LDLRAD4: variants seen among roughly 807,000 people sequenced by gnomAD.
LDLRAD4 encodes the protein low-density lipoprotein receptor class A domain-containing protein 4.
LDLRAD4 carries 5 observed loss-of-function variants against 17.0 expected under a neutral mutation model. The observed-to-expected ratio is 0.29, with a 90% confidence interval of 0.15 to 0.62. LDLRAD4 has a LOEUF of 0.62. LDLRAD4 is among the 20% of genes least tolerant of loss of function. The pLI is 0.84. For synonymous variants in LDLRAD4, 168 were observed against 171.8 expected (o/e 0.98, Z 0.17); for missense variants, 340 against 424.7 (o/e 0.80, Z 1.75).
intron 2 of LDLRAD4, among the ~76,000 whole-genome samples, chr18:13,435,709 A>C (rs2090610713): frequency 6.6e-6 from 1 of 152,188 alleles, no homozygotes; most frequent in Admixed American, 6.5e-5. Context: ...CTGCCTCCCA[A>C]GTGTGGAGAG....
At chr18:13,330,886 A>C (rs1171593721) in intron 1 of LDLRAD4, among the ~76,000 whole-genome samples, 3 of 152,144 alleles carry the variant, frequency 2.0e-5, no homozygotes. Context: ...TGACCATATA[A>C]TGAAGTTTCC....
chr18:13,326,524 T>G (rs2085048), intron 1 of LDLRAD4, among the ~76,000 whole-genome samples: 60,395 of 151,716 alleles, frequency 0.4, 13,370 homozygotes, highest in African/African-American at 0.61. Flanking sequence ...CAGACTTCAG[T>G]TTTAACCTAG....
chr18:13,608,358 C>G (rs558071780), intron 3 of LDLRAD4, among the ~76,000 whole-genome samples: 2 of 151,578 alleles, frequency 1.3e-5, no homozygotes, highest in South Asian at 2.1e-4. Flanking sequence ...GAGGGGGAGG[C>G]AGCGGGGCAT....
chr18:13,294,124 C>T (rs561081007), intron 1 of LDLRAD4, among the ~76,000 whole-genome samples: 1 of 152,264 alleles, frequency 6.6e-6, no homozygotes, highest in African/African-American at 2.4e-5. Context: ...ATATAAATAA[C>T]TCCCACATGC....
At chr18:13,513,307 G>A (rs909345465) in intron 3 of LDLRAD4, among the ~76,000 whole-genome samples, 6 of 152,348 alleles carry the variant, frequency 3.9e-5, no homozygotes, top group Non-Finnish European at 7.3e-5. Context: ...TGTAATCTGA[G>A]CTGTCTGCTG....
In LDLRAD4 at chr18:13,253,387, G is replaced by A. The variant is rs1178058993; in HGVS notation, c.-466-24718G>A. ...TTGCTCACTCTTTTTTAAGAAGCATGATATACATCTAGGAAGAGTAATATT... is the reference window on the plus strand; with the variant it reads ...TTGCTCACTCTTTTTTAAGAAGCATAATATACATCTAGGAAGAGTAATATT... On this transcript the variant is annotated intron_variant, in intron 1 of 5. Transcript: ENST00000399848. Among the ~76,000 whole-genome samples, 8 of 152,208 alleles carry A rather than the reference G, an allele frequency of 5.3e-5. No individual in the cohort carries two copies. The East Asian group carries it at 1.5e-3, about 29-fold the overall frequency.
At chr18:13,496,023 C>G (rs539921626) in intron 3 of LDLRAD4, among the ~76,000 whole-genome samples, 1 of 152,292 alleles carries the variant, frequency 6.6e-6, no homozygotes, top group East Asian at 1.9e-4. Context: ...TCCCACCACC[C>G]GCCTGGCCTC....
chr18:13,541,233 C>A (rs1601226992), intron 3 of LDLRAD4, among the ~76,000 whole-genome samples: 1 of 152,332 alleles, frequency 6.6e-6, no homozygotes, highest in Middle Eastern at 3.4e-3. Flanking sequence ...AGACCAATGA[C>A]AACAATAACT....
At chr18:13,520,187 G>C (rs1194000657) in intron 3 of LDLRAD4, 1 of 152,122 alleles carries the variant, frequency 6.6e-6, no homozygotes, top group African/African-American at 2.4e-5. Context: ...AGAATTCATG[G>C]GGATGAGTCG....
chr18:13,405,134 TA>T (rs969993436), intron 2 of LDLRAD4, among the ~76,000 whole-genome samples: 2 of 151,650 alleles, frequency 1.3e-5, no homozygotes, highest in African/African-American at 4.8e-5. Flanking sequence ...ATTATAATAT[TA>T]TGTATAATAT....
chr18:13,380,498 A>G (rs1031831783), intron 1 of LDLRAD4, among the ~76,000 whole-genome samples: 3 of 152,152 alleles, frequency 2.0e-5, no homozygotes, highest in African/African-American at 7.2e-5. Context: ...CGCCTCCTCC[A>G]CAAAGCACAG....
intron 3 of LDLRAD4, among the ~76,000 whole-genome samples, chr18:13,562,492 A>G (rs980520242): frequency 6.6e-5 from 10 of 152,248 alleles, no homozygotes; most frequent in Non-Finnish European, 2.9e-5. Flanking sequence ...TGTGTATACA[A>G]TGTGATTATT....
intron 3 of LDLRAD4, among the ~76,000 whole-genome samples, chr18:13,459,689 G>A (rs902618763): frequency 3.9e-5 from 6 of 152,028 alleles, no homozygotes; most frequent in African/African-American, 7.2e-5. Flanking sequence ...GGTCAAATTC[G>A]GTGTTTTAAG....
chr18:13,636,307 C>T (rs2042076617), intron 4 of LDLRAD4, among the ~76,000 whole-genome samples: 1 of 151,746 alleles, frequency 6.6e-6, no homozygotes, highest in Non-Finnish European at 1.5e-5. Context: ...GAGGCTTTTC[C>T]ATCTCATGAA....
intron 1 of LDLRAD4, among the ~76,000 whole-genome samples, chr18:13,372,726 C>G (rs1030959995): frequency 2.6e-5 from 4 of 152,124 alleles, no homozygotes; most frequent in Non-Finnish European, 5.9e-5. Context: ...GGGTATGGTC[C>G]GGTACTCAGC....
intron 1 of LDLRAD4, among the ~76,000 whole-genome samples, chr18:13,251,959 C>G (rs1316385768): frequency 3.3e-5 from 5 of 152,228 alleles, no homozygotes; most frequent in African/African-American, 1.2e-4. Flanking sequence ...TATGGAAACT[C>G]AACCCTCATG....
At chr18:13,349,838 G>C (rs1440498920) in intron 1 of LDLRAD4, among the ~76,000 whole-genome samples, 2 of 151,654 alleles carry the variant, frequency 1.3e-5, no homozygotes, top group African/African-American at 4.9e-5. Context: ...CTGTGTCCGT[G>C]TGTTCTCACT....
At chr18:13,412,271 C>T (rs2088444328) in intron 2 of LDLRAD4, among the ~76,000 whole-genome samples, 1 of 152,148 alleles carries the variant, frequency 6.6e-6, no homozygotes, top group African/African-American at 2.4e-5. Context: ...AATCTCTGGC[C>T]CCATCACACT....
chr18:13,644,761 G>A, intron 5 of LDLRAD4: 1 of 210,832 alleles, frequency 4.7e-6, no homozygotes, highest in Non-Finnish European at 9.4e-6. Context: ...TCCAAGTGCA[G>A]GCCGCAGTGC....
Sources: allele counts gnomAD v4.1 joint callset (sites outside exome capture counted in the v4.1 genomes callset), GRCh38; gene constraint gnomAD v4.1.1; transcripts MANE v1.5; gene names NCBI Gene and HGNC (gene_info 2026-07-23, HGNC 2026-07-21).